The following GMPPB variants were observed in gnomAD, a reference collection of about 807,000 sequenced individuals.
GMPPB encodes the protein mannose-1-phosphate guanylyltransferase catalytic subunit beta.
GMPPB carries 38 observed loss-of-function variants against 40.3 expected under a neutral mutation model. The ratio of observed to expected loss-of-function variants is 0.94; its 90% CI spans 0.73 to 1.24. The LOEUF (loss-of-function observed/expected upper bound fraction) is 1.24, where lower values mean the gene tolerates loss of function less well. GMPPB is among the 50% of genes most tolerant of loss of function. GMPPB has a pLI of 0.00. For missense variants in GMPPB, 436 were observed against 487.1 expected, an observed-to-expected ratio of 0.90 and a Z score of 0.99; for synonymous variants, 193 against 191.8, an observed-to-expected ratio of 1.01 and a Z score of -0.05.
At position 49,721,695 on chromosome 3, in the gene GMPPB, C is replaced by T. The variant is rs769690399; in HGVS notation, c.*57G>A. ...GTCCAGGGTCTTCTGATGTGTCAGG[C>T]CAGCACTCCCCTTGCTGATGGGAAA... On this transcript the variant is annotated 3_prime_UTR_variant, in exon 9 of 9. Transcript: ENST00000308388. 393 of 1,495,088 alleles carry T rather than the reference C, an allele frequency of 2.6e-4. No homozygotes were observed. The highest frequency in any genetic ancestry group is 2.8e-4 in the Non-Finnish European group (313 of 1,100,554). 92.6% of individuals were successfully genotyped at this position (1,495,088 alleles called of 1,614,324 possible). A position where few individuals can be genotyped will look rare whatever the true frequency, so the allele number is the denominator to read the frequency against.
chr3:49,722,925 G>C (rs200085944), intron 4 of GMPPB, 47 bp downstream of exon 4: 1 of 1,599,090 alleles, frequency 6.3e-7, no homozygotes, highest in East Asian at 2.2e-5. Flanking sequence ...TGGGAGGCTG[G>C]GCATGGAGGG....
In GMPPB at chr3:49,721,433, G is replaced by A. The variant is rs1379942984; in HGVS notation, c.*319C>T. On this transcript the variant is annotated 3_prime_UTR_variant, in exon 9 of 9. Coordinates refer to ENST00000308388, the MANE Select transcript of GMPPB (RefSeq NM_021971.4). Reference sequence around the variant, plus strand: ...CCACATCCAACCTCCTTGCCTGCCTGTATCCTCATTGGTGGGAGCCCAGCC... The same window carrying A: ...CCACATCCAACCTCCTTGCCTGCCTATATCCTCATTGGTGGGAGCCCAGCC... 2 of 1,286,904 alleles carry A rather than the reference G, an allele frequency of 1.6e-6. No homozygotes were observed. Among genetic ancestry groups the A allele is most frequent in the Admixed American group, 1.7e-5 (1 of 59,456 alleles). 79.7% of individuals were successfully genotyped at this position (1,286,904 alleles called of 1,614,324 possible). A position where few individuals can be genotyped will look rare whatever the true frequency, so the allele number is the denominator to read the frequency against.
Position 49,722,271 on chromosome 3 carries a change from C to G in GMPPB, c.728G>C (p.Arg243Pro). The G allele has an allele frequency of 6.2e-7, 1 of 1,613,870 alleles. No individual in the cohort carries two copies. ...LQSLRQKQPE[R>P]LCSGPGIVGN... Reference sequence around the variant, plus strand: ...CACAATGCCAGGGCCTGAGCACAGCCGCTCAGGCTGCTTCTGCCTCAGTGA... The same window carrying G: ...CACAATGCCAGGGCCTGAGCACAGCGGCTCAGGCTGCTTCTGCCTCAGTGA... The change falls in exon 7 of 9, where the codon CGG becomes CCG. Residue 243 changes from arginine (R) to proline (P), a missense_variant. By Grantham distance (103) the Arg-to-Pro change is moderately radical. Transcript: ENST00000308388.
Position 49,720,395 on chromosome 3 carries a change from AG to A in GMPPB, c.*1356del, listed in dbSNP as rs1237224879. The A allele has an allele frequency of 1.7e-5, 18 of 1,050,992 alleles. No homozygotes were observed. The highest frequency in any genetic ancestry group is 2.3e-4 in the Middle Eastern group (1 of 4,284). 65.1% of individuals were successfully genotyped at this position (1,050,992 alleles called of 1,614,324 possible). A position where few individuals can be genotyped will look rare whatever the true frequency, so the allele number is the denominator to read the frequency against. On this transcript the variant is annotated 3_prime_UTR_variant, in exon 9 of 9. Transcript: ENST00000308388. ...GGGTTTGGGAAGCAGGGAGACGGAA[AG>A]GATGCAGGGGGGGTGATCATGTACG... is the stretch of plus-strand genomic sequence containing the variant.
At position 49,720,349 on chromosome 3, in the gene GMPPB, CT is replaced by C. The variant is rs2080372135; in HGVS notation, c.*1402del. ...AAAAAAAAAACAGGCTGTGTGGCAC[CT>C]TACTAGAATACAGGACTTGGGGTTT... On this transcript the variant is annotated 3_prime_UTR_variant, in exon 9 of 9. Transcript: ENST00000308388. 1 of 595,826 alleles carries C rather than the reference CT, an allele frequency of 1.7e-6. No individual in the cohort carries two copies. The highest frequency in any genetic ancestry group is 1.9e-5 in the African/African-American group (1 of 53,082). The allele number at this position is 595,826 out of a possible 1,614,324, so 36.9% of individuals were successfully genotyped here.
chr3:49,723,699 A>G lies in GMPPB; in HGVS notation c.28T>C (p.Tyr10His). The G allele has an allele frequency of 1.3e-6, 2 of 1,592,694 alleles. No individual in the cohort carries two copies. Among genetic ancestry groups the G allele is most frequent in the Non-Finnish European group, 8.5e-7 (1 of 1,171,320 alleles). Residue 10 changes from tyrosine (Y) to histidine (H), a missense_variant, in exon 1 of 9, where the codon TAT (tyrosine) becomes CAT (histidine). Coordinates refer to ENST00000308388, the MANE Select transcript of GMPPB (RefSeq NM_021971.4). MKALILVGGYGTRLRPLTLS... is the reference protein window; with the variant it reads MKALILVGGHGTRLRPLTLS... ...GTCAGCGGCCGTAGCCGCGTCCCAT[A>G]GCCCCCCACTAAGATCAGTGCCTTC...
chr3:49,721,136 A>C lies in GMPPB; in HGVS notation c.*616T>G, dbSNP rs772340064. The C allele has an allele frequency of 1.9e-6, 3 of 1,613,962 alleles. No homozygotes were observed. The highest frequency in any genetic ancestry group is 2.5e-6 in the Non-Finnish European group (3 of 1,179,882). ...TGGGCCCCACAGCTTGGTGGTGGGG[A>C]GAGCAGTAGGTACATGCAGGGCAGT... On this transcript the variant is annotated 3_prime_UTR_variant, in exon 9 of 9. Coordinates refer to ENST00000308388, the MANE Select transcript of GMPPB (RefSeq NM_021971.4).
intron 3 of GMPPB, 53 bp downstream of exon 3, chr3:49,723,201 C>A: frequency 6.2e-7 from 1 of 1,612,090 alleles, no homozygotes; most frequent in Non-Finnish European, 8.5e-7. Context: ...CTGGGTCTTA[C>A]CCTTTTCCTG....
Position 49,721,675 on chromosome 3 carries a change from G to C in GMPPB, c.*77C>G. The C allele has an allele frequency of 7.4e-7, 1 of 1,356,076 alleles. No individual in the cohort carries two copies. The allele number at this position is 1,356,076 out of a possible 1,614,324, so 84.0% of individuals were successfully genotyped here. A position where few individuals can be genotyped will look rare whatever the true frequency, so the allele number is the denominator to read the frequency against. ...CCCCAGACAAATAATGACAAGTCCA[G>C]GGTCTTCTGATGTGTCAGGCCAGCA... On this transcript the variant is annotated 3_prime_UTR_variant, in exon 9 of 9. Transcript: ENST00000308388.
At position 49,722,029 on chromosome 3, in the gene GMPPB, C is replaced by T. The variant is rs144040971; in HGVS notation, c.887G>A (p.Arg296Gln). The T allele has an allele frequency of 3.3e-5, 54 of 1,613,498 alleles. No individual in the cohort carries two copies. The African/African-American group carries it at 3.7e-4, about 11-fold the overall frequency. Residue 296 changes from arginine to glutamine, a missense_variant, in exon 8 of 9, where the codon CGG becomes CAG. Transcript: ENST00000308388. ...CTCAAGCCAGGAATGGGAACGGATC[C>T]GGGCATCCCGCAGCACCGTGCACCG... ...IRRCTVLRDARIRSHSWLESC... is the reference protein window; with the variant it reads ...IRRCTVLRDAQIRSHSWLESC...
Position 49,723,472 on chromosome 3 carries a change from C to G in GMPPB, c.130G>C (p.Ala44Pro). 1 of 1,613,686 alleles carries G rather than the reference C, an allele frequency of 6.2e-7. No homozygotes were observed. Among genetic ancestry groups the G allele is most frequent in the South Asian group, 1.1e-5 (1 of 91,086 alleles). Residue 44 changes from alanine to proline, a missense_variant and splice_region_variant, in exon 2 of 9, where the codon GCA (alanine) becomes CCA (proline). Coordinates refer to ENST00000308388, the MANE Select transcript of GMPPB (RefSeq NM_021971.4). ...GCCAGGATCACGTGGTCCACGCCTG[C>G]CTGTCAGAACGCAGGCCGACGGGCG... Reference protein sequence around the residue: ...LLHQVEALAAAGVDHVILAVS... With the variant: ...LLHQVEALAAPGVDHVILAVS...
chr3:49,722,880 C>T, intron 4 of GMPPB, 92 bp downstream of exon 4: 1 of 1,513,644 alleles, frequency 6.6e-7, no homozygotes, highest in Non-Finnish European at 9.0e-7. Flanking sequence ...GCTCTGTATC[C>T]ATAACATCCG....
intron 7 of GMPPB, 30 bp downstream of exon 7, chr3:49,722,201 G>A (rs1001931573): frequency 6.2e-7 from 1 of 1,609,196 alleles, no homozygotes; most frequent in South Asian, 1.1e-5. Context: ...AGACTGAGGG[G>A]GTTAATGATG....
At position 49,722,150 on chromosome 3, in the gene GMPPB, G is replaced by A; in HGVS notation, c.769-3C>T. 1 of 1,608,406 alleles carries A rather than the reference G, an allele frequency of 6.2e-7. No individual in the cohort carries two copies. Among genetic ancestry groups the A allele is most frequent in the South Asian group, 1.1e-5 (1 of 90,784 alleles). Reference sequence around the variant, plus strand: ...TGGCCGATGCGGGCACTTGGGTCCTGAGAGCGGTGGGAAAAATACAAGTGG... The same window carrying A: ...TGGCCGATGCGGGCACTTGGGTCCTAAGAGCGGTGGGAAAAATACAAGTGG... On this transcript the variant is annotated splice_polypyrimidine_tract_variant and splice_region_variant and intron_variant, in intron 7 of 8. Transcript: ENST00000308388.
rs778471179 is a variant in GMPPB, at chr3:49,720,931, G to A, written c.*821C>T. On this transcript the variant is annotated 3_prime_UTR_variant, in exon 9 of 9. Transcript: ENST00000308388. Reference sequence around the variant, plus strand: ...CACGGTGCACAGGTCCATGCCACTTGAATATGTGTGCACTCCTACACAGGC... The same window carrying A: ...CACGGTGCACAGGTCCATGCCACTTAAATATGTGTGCACTCCTACACAGGC... 3 of 1,612,008 alleles carry A rather than the reference G, an allele frequency of 1.9e-6. No homozygotes were observed. In the East Asian group the frequency reaches 6.7e-5, roughly 36 times the overall value.
chr3:49,721,894 G>T lies in GMPPB; in HGVS notation c.952-11C>A. 1 of 1,614,014 alleles carries T rather than the reference G, an allele frequency of 6.2e-7. No homozygotes were observed. The highest frequency in any genetic ancestry group is 8.5e-7 in the Non-Finnish European group (1 of 1,180,014). On this transcript the variant is annotated splice_polypyrimidine_tract_variant and intron_variant, in intron 8 of 8. Coordinates refer to ENST00000308388, the MANE Select transcript of GMPPB (RefSeq NM_021971.4). ...GTTCTCCATGCGTACCTCCAGGAGA[G>T]GATAGGCCTTGTCAGGGAGGCAGGC...
In GMPPB at chr3:49,721,286, C is replaced by A; in HGVS notation, c.*466G>T. 6.2e-7 allele frequency: 1 copy of A among 1,614,206 alleles called. No homozygotes were observed. The highest frequency in any genetic ancestry group is 8.5e-7 in the Non-Finnish European group (1 of 1,180,030). ...TGGGAGAAGGGAGCCAATACGAGTA[C>A]TACCTCCTCAGCTGCCTAGCCCTCA... On this transcript the variant is annotated 3_prime_UTR_variant, in exon 9 of 9. Transcript: ENST00000308388.
rs746692553 is a variant in GMPPB at position 49,722,731 on chromosome 3, G to A, written c.426C>T (p.Ser142=). ...CCTCACACACCACCACACCGTACTT[G>A]GAGGGTTCCTCCACCTTGGTCACCT... is the stretch of plus-strand genomic sequence containing the variant. ...SILVTKVEEP[S]KYGVVVCEAD... Residue 142 remains serine (S), a synonymous_variant, in exon 5 of 9, where the codon TCC becomes TCT. Transcript: ENST00000308388. The A allele has an allele frequency of 3.7e-6, 6 of 1,613,052 alleles. No homozygotes were observed. The South Asian group carries it at 4.4e-5, about 12-fold the overall frequency.
chr3:49,720,347 A>T lies in GMPPB; in HGVS notation c.*1405T>A. 3.7e-6 allele frequency: 2 copies of T among 544,176 alleles called. No homozygotes were observed. The highest frequency in any genetic ancestry group is 5.8e-6 in the Non-Finnish European group (2 of 342,760). 33.7% of individuals were successfully genotyped at this position (544,176 alleles called of 1,614,324 possible). A position where few individuals can be genotyped will look rare whatever the true frequency, so the allele number is the denominator to read the frequency against. ...AAAAAAAAAAAACAGGCTGTGTGGC[A>T]CCTTACTAGAATACAGGACTTGGGG... is the stretch of plus-strand genomic sequence containing the variant. On this transcript the variant is annotated 3_prime_UTR_variant, in exon 9 of 9. Coordinates refer to ENST00000308388, the MANE Select transcript of GMPPB (RefSeq NM_021971.4).
Sources: gnomAD v4.1 joint callset for allele counts on GRCh38, gnomAD v4.1.1 for gene constraint, MANE v1.5 for transcripts, NCBI Gene and HGNC (gene_info 2026-07-23, HGNC 2026-07-21) for gene names.